Variants in GABRB1 observed in about 807,000 individuals in gnomAD.
GABRB1 encodes gamma-aminobutyric acid type A receptor subunit beta1.
GABRB1 carries 17 observed loss-of-function variants against 51.6 expected under a neutral mutation model. The observed-to-expected ratio is 0.33, with a 90% CI of 0.23 to 0.49. The LOEUF (loss-of-function observed/expected upper bound fraction) is 0.49. GABRB1 is among the 20% of genes least tolerant of loss of function. GABRB1 has a pLI of 0.99. For synonymous variants in GABRB1, 247 were observed against 218.9 expected, an observed-to-expected ratio of 1.13 and a Z score of -1.14; for missense variants, 410 against 600.6, an observed-to-expected ratio of 0.68 and a Z score of 3.32.
chr4:47,294,800 C>A (rs1055599844), intron 4 of GABRB1, among the ~76,000 whole-genome samples: 2 of 152,224 alleles, frequency 1.3e-5, no homozygotes, highest in Admixed American at 1.3e-4. Context: ...GGCAGACTGC[C>A]TCCTCAAGTG....
chr4:47,349,966 A>G (rs1726247135), intron 5 of GABRB1, among the ~76,000 whole-genome samples: 1 of 152,136 alleles, frequency 6.6e-6, no homozygotes, highest in East Asian at 1.9e-4. Flanking sequence ...TTATTTACAG[A>G]TTGTAGAAAC....
intron 3 of GABRB1, among the ~76,000 whole-genome samples, chr4:47,121,975 C>T (rs10034943): frequency 0.47 from 71,117 of 149,942 alleles, 16,967 homozygotes; most frequent in Middle Eastern, 0.53. Flanking sequence ...TTCTTGTGAA[C>T]ATACCCAGAA....
intron 7 of GABRB1, among the ~76,000 whole-genome samples, chr4:47,406,363 C>T (rs1288801953): frequency 3.3e-5 from 5 of 152,128 alleles, no homozygotes; most frequent in South Asian, 2.1e-4. Context: ...ACAAAGTGAG[C>T]GACATTCAAT....
chr4:47,326,282 A>C (rs1301222711), intron 5 of GABRB1, among the ~76,000 whole-genome samples: 2 of 152,180 alleles, frequency 1.3e-5, no homozygotes, highest in African/African-American at 4.8e-5. Context: ...AATAGTAACC[A>C]AAAGCTATGT....
intron 4 of GABRB1, among the ~76,000 whole-genome samples, chr4:47,232,252 A>C (rs969837355): frequency 6.6e-6 from 1 of 152,172 alleles, no homozygotes; most frequent in African/African-American, 2.4e-5. Flanking sequence ...TTTCACTGAG[A>C]TCATCAGTGA....
chr4:47,271,477 C>A (rs1241521636), intron 4 of GABRB1, among the ~76,000 whole-genome samples: 1 of 152,148 alleles, frequency 6.6e-6, no homozygotes, highest in Non-Finnish European at 1.5e-5. Context: ...GAAAGAGGCA[C>A]TGATTTGTCT....
intron 3 of GABRB1, among the ~76,000 whole-genome samples, chr4:47,113,245 G>T (rs1715312332): frequency 6.6e-6 from 1 of 152,078 alleles, no homozygotes; most frequent in African/African-American, 2.4e-5. Flanking sequence ...AATTAGCTGG[G>T]TGTGGTGTCG....
At chr4:47,103,399 T>G (rs1218112313) in intron 3 of GABRB1, among the ~76,000 whole-genome samples, 1 of 152,032 alleles carries the variant, frequency 6.6e-6, no homozygotes, top group Non-Finnish European at 1.5e-5. Context: ...AACTATAAAG[T>G]AAATCCTATT....
intron 4 of GABRB1, among the ~76,000 whole-genome samples, chr4:47,283,356 C>CCTTTTTTTTTTTTTTTTTTTTTTTTT (rs1723367630): frequency 1.3e-5 from 1 of 77,280 alleles, no homozygotes; most frequent in Non-Finnish European, 2.4e-5. Context: ...CTGGTGGCCC[C>CCTTTTTTTTTTTTTTTTTTTTTTTTT]TTTTTTTTTT....
chr4:47,141,974 C>A (rs1173851865), intron 3 of GABRB1, among the ~76,000 whole-genome samples: 1 of 151,884 alleles, frequency 6.6e-6, no homozygotes, highest in African/African-American at 2.4e-5. Context: ...TTCTTGAGAG[C>A]AGTAACTATG....
chr4:47,147,443 T>G (rs1275564459), intron 3 of GABRB1, among the ~76,000 whole-genome samples: 5 of 152,124 alleles, frequency 3.3e-5, no homozygotes, highest in Admixed American at 3.3e-4. Context: ...TTTATTGACT[T>G]ATTCAGCAAA....
chr4:47,189,802 TA>T lies in GABRB1; in HGVS notation c.461+28337del, dbSNP rs199985326. On this transcript the variant is annotated intron_variant, in intron 4 of 8. Coordinates refer to ENST00000295454, the MANE Select transcript of GABRB1 (RefSeq NM_000812.4). ...TTTCCCCAGAAACTAACAGAGTTCC[TA>T]AAACTGTGGGTATTCAATACTTTGT... is the stretch of plus-strand genomic sequence containing the variant. Among the ~76,000 whole-genome samples the T allele has an allele frequency of 8.0e-3, 1,219 of 152,196 alleles. 37 individuals carry two copies. The highest frequency in any genetic ancestry group is 0.049 in the Admixed American group (749 of 15,260).
chr4:47,159,721 G>A (rs1237705051), intron 3 of GABRB1, among the ~76,000 whole-genome samples: 1 of 151,968 alleles, frequency 6.6e-6, no homozygotes, highest in Non-Finnish European at 1.5e-5. Flanking sequence ...AATGAATATT[G>A]TTTTATATTT....
chr4:47,406,396 G>C (rs1728568173), intron 7 of GABRB1, among the ~76,000 whole-genome samples: 1 of 152,196 alleles, frequency 6.6e-6, no homozygotes, highest in East Asian at 1.9e-4. Context: ...ATGGGATTTT[G>C]ATCTGCTTTT....
Position 47,406,863 on chromosome 4 carries a change from G to A in GABRB1, c.1017G>A (p.Lys339=). 2 of 1,614,106 alleles carry A rather than the reference G, an allele frequency of 1.2e-6. No homozygotes were observed. The highest frequency in any genetic ancestry group is 1.7e-6 in the Non-Finnish European group (2 of 1,180,006). ...YIFFGKGPQK[K]GASKQDQSAN... ...TCTTTGGGAAAGGCCCTCAGAAAAA[G>A]GGAGCTAGCAAACAAGACCAGAGTG... Residue 339 remains lysine, a synonymous_variant, in exon 8 of 9, where the codon AAG becomes AAA. Transcript: ENST00000295454.
intron 1 of GABRB1, chr4:46,994,149 G>A (rs978163151): frequency 5.9e-5 from 9 of 152,274 alleles, no homozygotes; most frequent in Admixed American, 2.0e-4. Context: ...CAGCTCACCC[G>A]GCGGACTCTC....
intron 3 of GABRB1, among the ~76,000 whole-genome samples, chr4:47,142,290 A>G (rs1351587184): frequency 2.0e-5 from 3 of 151,878 alleles, no homozygotes; most frequent in Non-Finnish European, 2.9e-5. Flanking sequence ...ACAAGTATAA[A>G]TGCCAAAATA....
intron 4 of GABRB1, among the ~76,000 whole-genome samples, chr4:47,241,874 CTTT>C (rs1019906509): frequency 6.6e-6 from 1 of 151,734 alleles, no homozygotes; most frequent in African/African-American, 2.4e-5. Flanking sequence ...TTTATCATTT[CTTT>C]TTATTTTTTA....
At chr4:47,389,699 T>C (rs954259565) in intron 5 of GABRB1, among the ~76,000 whole-genome samples, 1 of 152,222 alleles carries the variant, frequency 6.6e-6, no homozygotes. Flanking sequence ...ATAATTGTTA[T>C]GCACATCTGG....
Sources: gnomAD v4.1 joint callset for allele counts (sites outside exome capture counted in the v4.1 genomes callset) on GRCh38, gnomAD v4.1.1 for gene constraint, MANE v1.5 for transcripts, NCBI Gene and HGNC (gene_info 2026-07-23, HGNC 2026-07-21) for gene names.